PPP1R1C: variants seen among roughly 807,000 people sequenced by gnomAD.
PPP1R1C encodes the protein protein phosphatase 1 regulatory inhibitor subunit 1C.
Under a neutral mutation model 17.4 loss-of-function variants are expected in PPP1R1C, and 15 were observed. That is an observed-to-expected ratio of 0.86 (90% CI 0.58 to 1.33). The LOEUF is 1.33. Among genes scored for constraint, PPP1R1C ranks in the 40% most tolerant of loss-of-function variants. PPP1R1C has a pLI of 0.00. For missense variants in PPP1R1C, 143 were observed against 130.0 expected, an observed-to-expected ratio of 1.10 and a Z score of -0.48; for synonymous variants, 35 against 43.1, an observed-to-expected ratio of 0.81 and a Z score of 0.73.
intron 2 of PPP1R1C, among the ~76,000 whole-genome samples, chr2:182,055,164 G>C (rs1687643907): frequency 6.6e-6 from 1 of 151,354 alleles, no homozygotes; most frequent in African/African-American, 2.4e-5. Context: ...GTATCTCTTT[G>C]TATGGATTTT....
chr2:182,109,459 G>A (rs887041372), intron 4 of PPP1R1C, among the ~76,000 whole-genome samples: 1 of 152,112 alleles, frequency 6.6e-6, no homozygotes, highest in Non-Finnish European at 1.5e-5. Flanking sequence ...TTATTTTCTA[G>A]GAGTATCATA....
intron 2 of PPP1R1C, among the ~76,000 whole-genome samples, chr2:182,002,385 G>T (rs1182039322): frequency 6.6e-6 from 1 of 151,880 alleles, no homozygotes; most frequent in Non-Finnish European, 1.5e-5. Context: ...AAAATAAATT[G>T]AGAAGGAATA....
chr2:182,096,762 C>G (rs948075206), intron 4 of PPP1R1C, among the ~76,000 whole-genome samples: 4 of 152,164 alleles, frequency 2.6e-5, no homozygotes, highest in African/African-American at 7.2e-5. Flanking sequence ...ACCCTGATTC[C>G]TGTCCTAATT....
chr2:182,012,762 C>T (rs1233856138), intron 2 of PPP1R1C, among the ~76,000 whole-genome samples: 2 of 151,826 alleles, frequency 1.3e-5, no homozygotes, highest in African/African-American at 4.8e-5. Context: ...TTTTGCGTGT[C>T]TTCTGTATGT....
chr2:182,024,726 G>A (rs1397305316), intron 2 of PPP1R1C, among the ~76,000 whole-genome samples: 2 of 151,884 alleles, frequency 1.3e-5, no homozygotes, highest in African/African-American at 2.4e-5. Context: ...ATGGCAGCAT[G>A]AGCCTGTAGT....
At chr2:181,972,525 C>T (rs1227588229) in intron 1 of PPP1R1C, among the ~76,000 whole-genome samples, 1 of 151,650 alleles carries the variant, frequency 6.6e-6, no homozygotes, top group African/African-American at 2.4e-5. Flanking sequence ...TCAACAAAGT[C>T]CAGAGGATTG....
chr2:181,980,157 A>T (rs573713323), intron 2 of PPP1R1C, among the ~76,000 whole-genome samples: 1 of 152,348 alleles, frequency 6.6e-6, no homozygotes, highest in South Asian at 2.1e-4. Context: ...TACTCAATAA[A>T]TATTTGTTGG....
At chr2:182,057,545 A>T (rs963660994) in intron 2 of PPP1R1C, among the ~76,000 whole-genome samples, 1 of 152,182 alleles carries the variant, frequency 6.6e-6, no homozygotes, top group African/African-American at 2.4e-5. Flanking sequence ...TTGTTCCATT[A>T]TCTCCCCACA....
rs182897558 is a variant in PPP1R1C at position 182,019,107 on chromosome 2, A to G, written c.142+31208A>G. Among the ~76,000 whole-genome samples, 512 of 152,318 alleles carry G rather than the reference A, an allele frequency of 3.4e-3. 2 individuals are homozygous for G. The highest frequency in any genetic ancestry group is 4.8e-3 in the Non-Finnish European group (326 of 68,016). The stretch of plus-strand genomic sequence containing the variant: ...ATTTATGCCATGAAAAAATTCTTAT[A>G]CACAACAACTCAACTTCAAAAATAA... On this transcript the variant is annotated intron_variant, in intron 2 of 4. Coordinates refer to ENST00000682840, the MANE Select transcript of PPP1R1C (RefSeq NM_001080545.3).
rs554255891 is a variant in PPP1R1C at position 182,066,791 on chromosome 2, C to T, written c.241+3000C>T. On this transcript the variant is annotated intron_variant, in intron 4 of 4. Coordinates refer to ENST00000682840, the MANE Select transcript of PPP1R1C (RefSeq NM_001080545.3). ...AATGACAGCTGATGACTAATACCCA[C>T]GTACATTTCTCTGGTGTTTATATGG... Among the ~76,000 whole-genome samples the T allele has an allele frequency of 2.2e-4, 33 of 152,182 alleles. 1 individual carries two copies. The South Asian group carries it at 3.3e-3, about 15-fold the overall frequency.
At chr2:182,027,129 C>G (rs1317441256) in intron 2 of PPP1R1C, among the ~76,000 whole-genome samples, 1 of 144,450 alleles carries the variant, frequency 6.9e-6, no homozygotes, top group African/African-American at 2.7e-5. Context: ...ATGGGGTTTT[C>G]TAGATATACA....
At chr2:182,035,994 C>T (rs908692090) in intron 2 of PPP1R1C, among the ~76,000 whole-genome samples, 1 of 151,998 alleles carries the variant, frequency 6.6e-6, no homozygotes, top group Non-Finnish European at 1.5e-5. Flanking sequence ...TGTTTATACA[C>T]ACACACACAC....
downstream of PPP1R1C, among the ~76,000 whole-genome samples, chr2:182,120,461 A>T (rs1315168634): frequency 1.3e-5 from 2 of 152,208 alleles, no homozygotes; most frequent in Admixed American, 1.3e-4. Context: ...GCAATAAAAA[A>T]TGATAAAGGG....
chr2:182,112,897 A>C (rs985442341), intron 4 of PPP1R1C, among the ~76,000 whole-genome samples: 2 of 152,180 alleles, frequency 1.3e-5, no homozygotes, highest in Non-Finnish European at 2.9e-5. Flanking sequence ...ATCTATTTAC[A>C]TTTGCTACTC....
At chr2:182,123,012 C>A (rs116376272) in intron 5 of PPP1R1C, among the ~76,000 whole-genome samples, 4 of 152,152 alleles carry the variant, frequency 2.6e-5, no homozygotes, top group Admixed American at 6.5e-5. Flanking sequence ...TCTAGCCCCC[C>A]GCCTTGACAG....
intron 1 of PPP1R1C, among the ~76,000 whole-genome samples, chr2:181,987,565 A>G (rs1685335154): frequency 6.6e-6 from 1 of 152,116 alleles, no homozygotes; most frequent in South Asian, 2.1e-4. Flanking sequence ...TTGTAAATTA[A>G]TTTTCTGTTG....
intron 1 of PPP1R1C, among the ~76,000 whole-genome samples, chr2:181,958,158 A>C (rs1684702031): frequency 6.6e-6 from 1 of 152,232 alleles, no homozygotes; most frequent in African/African-American, 2.4e-5. Context: ...GGGGGGCTTA[A>C]TGGAAGCAGA....
downstream of PPP1R1C, among the ~76,000 whole-genome samples, chr2:182,120,786 G>T (rs1007466175): frequency 6.6e-6 from 1 of 151,912 alleles, no homozygotes; most frequent in South Asian, 2.1e-4. Flanking sequence ...TGCTGATTTT[G>T]TAACATCATT....
chr2:182,122,445 A>G (rs1228058532), downstream of PPP1R1C, among the ~76,000 whole-genome samples: 2 of 152,200 alleles, frequency 1.3e-5, no homozygotes, highest in South Asian at 4.1e-4. Flanking sequence ...AGGCAAGTTT[A>G]AAGTGTGAGT....
Sources: allele counts gnomAD v4.1 joint callset (sites outside exome capture counted in the v4.1 genomes callset), GRCh38; gene constraint gnomAD v4.1.1; transcripts MANE v1.5; gene names NCBI Gene and HGNC (gene_info 2026-07-23, HGNC 2026-07-21).